The following DYNC2H1 variants were observed in gnomAD, a reference collection of about 807,000 sequenced individuals.
The protein encoded by DYNC2H1 is cytoplasmic dynein 2 heavy chain 1.
In DYNC2H1, 410 loss-of-function variants were observed where a neutral mutation model predicts 570.0. The observed-to-expected ratio is 0.72, with a 90% confidence interval of 0.66 to 0.78. DYNC2H1 has a LOEUF of 0.78. Among genes scored for constraint, DYNC2H1 ranks in the 30% least tolerant of loss-of-function variants. The probability of loss-of-function intolerance (pLI) is 0.00; values close to 1 mark genes in which losing one functional copy is unlikely to be tolerated. For synonymous variants in DYNC2H1, 1,688 were observed against 1,677.6 expected (o/e 1.01, Z -0.15); for missense variants, 4,865 against 5,046.4 (o/e 0.96, Z 1.09).
chr11:103,475,209 A>C (rs1352975111), intron 88 of DYNC2H1, among the ~76,000 whole-genome samples: 2 of 152,204 alleles, frequency 1.3e-5, no homozygotes. Flanking sequence ...ATCAATCACA[A>C]TTTATAGATT....
rs139833341 is a variant in DYNC2H1, at chr11:103,324,996, C to T, written c.12039+1006C>T. 8.2e-3 allele frequency among the ~76,000 whole-genome samples: 1,245 copies of T among 152,110 alleles called. 19 individuals are homozygous for T. The highest frequency in any genetic ancestry group is 0.028 in the African/African-American group (1,161 of 41,504). ...AATATTTTTTCATATGTTTATTGGC[C>T]GTATGTATGTCTTCTTTTGAGAAGC... On this transcript the variant is annotated intron_variant, in intron 82 of 88. Transcript: ENST00000375735. The surrounding 1 kb of genome is among the most constrained non-coding windows in gnomAD (Gnocchi z 5.2).
In DYNC2H1 at chr11:103,326,245, G is replaced by T. The variant is rs1483766558; in HGVS notation, c.12039+2255G>T. On this transcript the variant is annotated intron_variant, in intron 82 of 88. Transcript: ENST00000375735. The surrounding 1 kb of genome is among the most constrained non-coding windows in gnomAD (Gnocchi z 6.1). ...CGTTCTTGGGAGTAGAGGGAGGGGC[G>T]GGGAATAAAATCATCTCACCAGGGC... Among the ~76,000 whole-genome samples, 1 of 152,064 alleles carries T rather than the reference G, an allele frequency of 6.6e-6. No homozygotes were observed. The highest frequency in any genetic ancestry group is 1.5e-5 in the Non-Finnish European group (1 of 68,020).
intron 85 of DYNC2H1, among the ~76,000 whole-genome samples, chr11:103,448,032 G>A (rs552568620): frequency 1.3e-5 from 2 of 152,162 alleles, no homozygotes; most frequent in African/African-American, 4.8e-5. Flanking sequence ...TGATTAACAA[G>A]TGGCAGGTCA....
In DYNC2H1 at chr11:103,479,260, A is replaced by C; in HGVS notation, c.*7A>C. 1 of 1,607,126 alleles carries C rather than the reference A, an allele frequency of 6.2e-7. No individual in the cohort carries two copies. Among genetic ancestry groups the C allele is most frequent in the Non-Finnish European group, 8.5e-7 (1 of 1,175,954 alleles). On this transcript the variant is annotated 3_prime_UTR_variant, in exon 89 of 89. Coordinates refer to ENST00000375735, the MANE Select transcript of DYNC2H1 (RefSeq NM_001377.3). ...ATTCCTAAAAAATCAGTAGAATCTA[A>C]TGACAACAAAAGCCATCTTCACAAA...
chr11:103,155,419 G>T lies in DYNC2H1; in HGVS notation c.3662G>T (p.Arg1221Met). The T allele has an allele frequency of 6.2e-7, 1 of 1,611,880 alleles. No individual in the cohort carries two copies. Among genetic ancestry groups the T allele is most frequent in the Non-Finnish European group, 8.5e-7 (1 of 1,178,910 alleles). ...CTTTTTCGTCTCCTTGGACTTCCTA[G>T]GGGGACTAGTCTAGAGAAACTACTG... is the stretch of plus-strand genomic sequence containing the variant. ...LDLFRLLGLPRGTSLEKLLFG... is the reference protein window; with the variant it reads ...LDLFRLLGLPMGTSLEKLLFG... Residue 1221 changes from arginine (R) to methionine (M), a missense_variant, in exon 25 of 89, where the codon AGG becomes ATG. By Grantham distance (91) the Arg-to-Met change is moderately conservative. Transcript: ENST00000375735.
intron 70 of DYNC2H1, among the ~76,000 whole-genome samples, chr11:103,262,399 T>G (rs922679123): frequency 6.6e-6 from 1 of 152,034 alleles, no homozygotes; most frequent in Non-Finnish European, 1.5e-5. Context: ...CACATAATCA[T>G]CAGATTCACC....
In DYNC2H1 at chr11:103,256,677, G is replaced by A. The variant is rs1023688277; in HGVS notation, c.10461+437G>A. On this transcript the variant is annotated intron_variant, in intron 68 of 88. Coordinates refer to ENST00000375735, the MANE Select transcript of DYNC2H1 (RefSeq NM_001377.3). The surrounding 1 kb of genome is among the most constrained non-coding windows in gnomAD (Gnocchi z 4.0). ...TCATGCTTATAATGAACAGTGCTGG[G>A]TACTTTATTATCCTAATGTGGACAC... Among the ~76,000 whole-genome samples, 3 of 152,074 alleles carry A rather than the reference G, an allele frequency of 2.0e-5. No individual in the cohort carries two copies. Among genetic ancestry groups the A allele is most frequent in the African/African-American group, 7.2e-5 (3 of 41,408 alleles).
At position 103,411,845 on chromosome 11, in the gene DYNC2H1, G is replaced by C. The variant is rs183482624; in HGVS notation, c.12366+11973G>C. Among the ~76,000 whole-genome samples, 4 of 151,962 alleles carry C rather than the reference G, an allele frequency of 2.6e-5. No homozygotes were observed. The East Asian group carries it at 7.7e-4, about 29-fold the overall frequency. ...TATAAAGTATTCTATATTATACTTT[G>C]AATTAAGAAATGCAGCCTCAGAAAA... On this transcript the variant is annotated intron_variant, in intron 84 of 88. Transcript: ENST00000375735.
At chr11:103,433,637 A>C (rs571740103) in intron 84 of DYNC2H1, among the ~76,000 whole-genome samples, 2 of 152,214 alleles carry the variant, frequency 1.3e-5, no homozygotes, top group East Asian at 3.9e-4. Flanking sequence ...TCTAGGCAGA[A>C]ATTATTTACA....
intron 11 of DYNC2H1, among the ~76,000 whole-genome samples, chr11:103,124,066 A>G (rs1012960548): frequency 2.6e-5 from 4 of 152,160 alleles, no homozygotes; most frequent in Non-Finnish European, 1.5e-5. Flanking sequence ...TTTATATGCT[A>G]TTAAATAAGC....
chr11:103,120,504 G>A lies in DYNC2H1; in HGVS notation c.1057G>A (p.Glu353Lys). The A allele has an allele frequency of 6.2e-7, 1 of 1,613,020 alleles. No individual in the cohort carries two copies. Among genetic ancestry groups the A allele is most frequent in the Non-Finnish European group, 8.5e-7 (1 of 1,179,372 alleles). The change falls in exon 7 of 89, where the codon GAG becomes AAG. Residue 353 changes from glutamate to lysine, a missense_variant. Physicochemically the swap from Glu to Lys is moderately conservative, Grantham distance 56. This residue lies in a region of DYNC2H1 where 1,936 missense variants were observed against 1,962.1 expected (regional missense o/e 0.99). Coordinates refer to ENST00000375735, the MANE Select transcript of DYNC2H1 (RefSeq NM_001377.3). ...TCTCTATTTTCTACCTGCCAGTGAA[G>A]AGAAAATCATATGCCTCACTCGAGT... is the stretch of plus-strand genomic sequence containing the variant. ...KFLYFLPASEEKIICLTRVFE... is the reference protein window; with the variant it reads ...KFLYFLPASEKKIICLTRVFE...
Position 103,133,930 on chromosome 11 carries a change from AT to A in DYNC2H1, c.2106+227del, listed in dbSNP as rs1859398709. Among the ~76,000 whole-genome samples, 1 of 152,128 alleles carries A rather than the reference AT, an allele frequency of 6.6e-6. No homozygotes were observed. The highest frequency in any genetic ancestry group is 2.4e-5 in the African/African-American group (1 of 41,410). ...GAAAAAGACTGTTTTGAATTTTACA[AT>A]TTTCCACTAACATTCTTTTTTTTTT... On this transcript the variant is annotated intron_variant, in intron 14 of 88. Transcript: ENST00000375735. The surrounding 1 kb of genome is among the most constrained non-coding windows in gnomAD (Gnocchi z 4.8).
intron 87 of DYNC2H1, among the ~76,000 whole-genome samples, chr11:103,467,820 A>G (rs1945242083): frequency 6.6e-6 from 1 of 152,142 alleles, no homozygotes; most frequent in Admixed American, 6.5e-5. Context: ...TACAGGTGTG[A>G]GCCACCGCGC....
intron 84 of DYNC2H1, among the ~76,000 whole-genome samples, chr11:103,425,820 G>T (rs1565589232): frequency 6.6e-6 from 1 of 151,410 alleles, no homozygotes; most frequent in African/African-American, 2.4e-5. Context: ...AAGGTTAAAA[G>T]TTTAATATTT....
intron 82 of DYNC2H1, among the ~76,000 whole-genome samples, chr11:103,350,350 A>G (rs1190547088): frequency 6.6e-6 from 1 of 152,162 alleles, no homozygotes; most frequent in Non-Finnish European, 1.5e-5. Context: ...AATATCTGAG[A>G]AAACTGATGA....
intron 83 of DYNC2H1, among the ~76,000 whole-genome samples, chr11:103,390,991 C>A (rs1942122127): frequency 6.6e-6 from 1 of 152,072 alleles, no homozygotes; most frequent in Non-Finnish European, 1.5e-5. Flanking sequence ...TTGCTCTTCT[C>A]GAGGAGTATC....
At chr11:103,290,189 T>C (rs535529596) in intron 75 of DYNC2H1, among the ~76,000 whole-genome samples, 2 of 152,202 alleles carry the variant, frequency 1.3e-5, no homozygotes, top group African/African-American at 4.8e-5. Flanking sequence ...ATCTTTTTTT[T>C]TGGGTTGGGG....
chr11:103,203,734 C>T lies in DYNC2H1; in HGVS notation c.8269C>T (p.Gln2757Ter), dbSNP rs1862809856. 1 of 1,612,076 alleles carries T rather than the reference C, an allele frequency of 6.2e-7. No homozygotes were observed. The change falls in exon 51 of 89, where the codon CAA (glutamine) becomes TAA (stop). Residue 2757 changes from glutamine (Q) to a stop codon, truncating the protein, a stop_gained. Transcript: ENST00000375735. LOFTEE classifies it high-confidence loss of function. The surrounding 1 kb of genome is among the most constrained non-coding windows in gnomAD (Gnocchi z 4.7). ...GTTACCACTTAAGGATCAAGCTTCA[C>T]AAGATGGTTTTTTTGGACCAGTCTT... ...LLLPLKDQAS[Q>*]DGFFGPVFNY...
rs1396079596 is a variant in DYNC2H1 at position 103,222,121 on chromosome 11, C to T, written c.9199C>T (p.Leu3067Phe). 1.3e-6 allele frequency: 2 copies of T among 1,585,040 alleles called. No homozygotes were observed. Among genetic ancestry groups the T allele is most frequent in the African/African-American group, 2.7e-5 (2 of 73,616 alleles). Residue 3067 changes from leucine to phenylalanine, a missense_variant, in exon 58 of 89, where the codon CTT becomes TTT. This residue lies in a region of DYNC2H1 where 2,401 missense variants were observed against 2,454.6 expected (regional missense o/e 0.98). Coordinates refer to ENST00000375735, the MANE Select transcript of DYNC2H1 (RefSeq NM_001377.3). ...AATAAGAGAGAGTGTTGAAGAACTT[C>T]TTTTTAAAAATAAAGGCTCTTTTGA... ...KEIRESVEEL[L>F]FKNKGSFDPK... is the part of the protein sequence containing the mutation.
Sources: allele counts gnomAD v4.1 joint callset (sites outside exome capture counted in the v4.1 genomes callset), GRCh38; gene constraint gnomAD v4.1.1; regional missense constraint gnomAD v4.1.1; non-coding constraint Gnocchi (gnomAD v3.1); transcripts MANE v1.5; gene names NCBI Gene and HGNC (gene_info 2026-07-23, HGNC 2026-07-21).